The following MTG1 variants were observed in gnomAD, a reference collection of about 807,000 sequenced individuals.
MTG1 encodes mitochondrial ribosome-associated GTPase 1.
In MTG1, 30 loss-of-function variants were observed where a neutral mutation model predicts 39.5. That is an observed-to-expected ratio of 0.76 (90% CI 0.57 to 1.03). MTG1 has a LOEUF of 1.03. Ranked by LOEUF, MTG1 falls within the 50% of genes least tolerant of loss-of-function variation. MTG1 has a pLI of 0.00. For missense variants in MTG1, 513 were observed against 447.4 expected (o/e 1.15, Z -1.32); for synonymous variants, 217 against 179.0 (o/e 1.21, Z -1.69).
intron 9 of MTG1, among the ~76,000 whole-genome samples, chr10:133,412,577 G>GT (rs35138598): frequency 2.6e-5 from 4 of 152,124 alleles, no homozygotes; most frequent in Non-Finnish European, 4.4e-5. Context: ...CAATTGACAG[G>GT]TTTTTTTAGT....
chr10:133,415,848 G>GT (rs1850116373), intron 9 of MTG1, among the ~76,000 whole-genome samples: 3 of 152,164 alleles, frequency 2.0e-5, no homozygotes. Flanking sequence ...AGGCACGCGG[G>GT]TATCAGGCAG....
chr10:133,416,513 A>G (rs1850135680), intron 9 of MTG1, among the ~76,000 whole-genome samples: 1 of 148,848 alleles, frequency 6.7e-6, no homozygotes, highest in African/African-American at 2.5e-5. Context: ...TTAACTCGTC[A>G]TTTAGCATTA....
At position 133,421,536 on chromosome 10, in the gene MTG1, G is replaced by C. The variant is rs1850235904; in HGVS notation, c.*1371G>C. 2 of 153,132 alleles carry C rather than the reference G, an allele frequency of 1.3e-5. No homozygotes were observed. The highest frequency in any genetic ancestry group is 2.9e-5 in the Non-Finnish European group (2 of 68,430). The allele number at this position is 153,132 out of a possible 1,614,324, so 9.5% of individuals were successfully genotyped here. A position where few individuals can be genotyped will look rare whatever the true frequency, so the allele number is the denominator to read the frequency against. ...CTATGAGGATCTGGGGCAGGGCTTG[G>C]CCTTGGCCTGCTGGTCTTGGAGGCG... On this transcript the variant is annotated 3_prime_UTR_variant, in exon 11 of 11. Transcript: ENST00000317502.
At chr10:133,399,968 G>A (rs924604270) in intron 6 of MTG1, among the ~76,000 whole-genome samples, 14 of 152,170 alleles carry the variant, frequency 9.2e-5, no homozygotes, top group South Asian at 4.1e-4. Context: ...CGAGGCGGGC[G>A]GATCATGAGG....
rs141737948 is a variant in MTG1, at chr10:133,397,219, G to A, written c.282+952G>A. Among the ~76,000 whole-genome samples, 813 of 152,248 alleles carry A rather than the reference G, an allele frequency of 5.3e-3. 6 individuals are homozygous for A. Among genetic ancestry groups the A allele is most frequent in the African/African-American group, 0.018 (760 of 41,532 alleles). On this transcript the variant is annotated intron_variant, in intron 3 of 10. Coordinates refer to ENST00000317502, the MANE Select transcript of MTG1 (RefSeq NM_138384.4). ...GTCTCTGATAAGCAGAAATAATGGC[G>A]TAAGCTGTCTCTCTTTCTCCCTCTC...
chr10:133,414,967 C>A (rs1371334813), intron 9 of MTG1, among the ~76,000 whole-genome samples: 3 of 152,236 alleles, frequency 2.0e-5, no homozygotes, highest in Non-Finnish European at 4.4e-5. Context: ...AGCTGGAGAC[C>A]AGCCCGGCCA....
intron 9 of MTG1, among the ~76,000 whole-genome samples, chr10:133,416,019 G>A (rs1170764201): frequency 1.5e-5 from 2 of 137,710 alleles, no homozygotes; most frequent in East Asian, 4.2e-4. Context: ...TGTCGGGCAC[G>A]TGGGTGTCGG....
At position 133,395,772 on chromosome 10, in the gene MTG1, G is replaced by T. The variant is rs775976719; in HGVS notation, c.172G>T (p.Ala58Ser). 2 of 1,614,024 alleles carry T rather than the reference G, an allele frequency of 1.2e-6. No homozygotes were observed. Among genetic ancestry groups the T allele is most frequent in the African/African-American group, 1.3e-5 (1 of 75,042 alleles). Reference protein sequence around the residue: ...LVDCIIEVHDARIPLSGRNPL... With the variant: ...LVDCIIEVHDSRIPLSGRNPL... ...GGACTGTATCATCGAGGTCCACGAT[G>T]CCCGGATATCCTTTCACAGAGCAGG... The change falls in exon 2 of 11, where the codon GCC becomes TCC. Residue 58 changes from alanine to serine, a missense_variant. Physicochemically the swap from Ala to Ser is moderately conservative, Grantham distance 99. Transcript: ENST00000317502.
chr10:133,401,628 G>A, intron 7 of MTG1, 38 bp downstream of exon 7: 1 of 1,605,544 alleles, frequency 6.2e-7, no homozygotes, highest in South Asian at 1.1e-5. Flanking sequence ...ACTCTGTCAA[G>A]AGCTCTGCAG....
At chr10:133,403,742 C>T (rs1010357252) in intron 9 of MTG1, among the ~76,000 whole-genome samples, 18 of 152,102 alleles carry the variant, frequency 1.2e-4, no homozygotes, top group African/African-American at 4.3e-4. Flanking sequence ...ATTCATGTAC[C>T]GACAGGTCTT....
At chr10:133,395,091 G>T (rs578138723) in intron 1 of MTG1, among the ~76,000 whole-genome samples, 128 of 152,252 alleles carry the variant, frequency 8.4e-4, no homozygotes, top group Non-Finnish European at 1.5e-3. Context: ...CTGTGTTATA[G>T]CCCAGATTAA....
rs2133489752 is a variant in MTG1, at chr10:133,395,771, T to C, written c.171T>C (p.Asp57=). ...TGGACTGTATCATCGAGGTCCACGA[T>C]GCCCGGATATCCTTTCACAGAGCAG... ...KLVDCIIEVH[D]ARIPLSGRNP... is the part of the protein sequence containing the mutation. Residue 57 remains aspartate (D), a synonymous_variant, in exon 2 of 11, where the codon GAT becomes GAC. Coordinates refer to ENST00000317502, the MANE Select transcript of MTG1 (RefSeq NM_138384.4). 1.2e-6 allele frequency: 2 copies of C among 1,614,084 alleles called. No homozygotes were observed. Among genetic ancestry groups the C allele is most frequent in the South Asian group, 1.1e-5 (1 of 91,070 alleles).
chr10:133,398,074 C>A (rs565358506), intron 3 of MTG1, among the ~76,000 whole-genome samples: 1 of 152,314 alleles, frequency 6.6e-6, no homozygotes, highest in African/African-American at 2.4e-5. Flanking sequence ...TATGTTTGAT[C>A]TCTCCATCCG....
At chr10:133,415,314 G>A (rs1252345140) in intron 9 of MTG1, among the ~76,000 whole-genome samples, 1 of 152,262 alleles carries the variant, frequency 6.6e-6, no homozygotes, top group African/African-American at 2.4e-5. Flanking sequence ...ACTTCTGTCT[G>A]AAGGATTTCC....
chr10:133,399,744 C>T, intron 6 of MTG1, 125 bp downstream of exon 6: 1 of 938,458 alleles, frequency 1.1e-6, no homozygotes, highest in Non-Finnish European at 1.7e-6. Context: ...GCTGACCCCG[C>T]AGCCCCAGAG....
At chr10:133,407,488 A>G (rs1849984518) in intron 9 of MTG1, among the ~76,000 whole-genome samples, 1 of 151,478 alleles carries the variant, frequency 6.6e-6, no homozygotes, top group Non-Finnish European at 1.5e-5. Context: ...TTTTCCTTGT[A>G]GAGATCTTCC....
chr10:133,395,484 A>G (rs1420254595), intron 1 of MTG1, among the ~76,000 whole-genome samples: 1 of 152,228 alleles, frequency 6.6e-6, no homozygotes, highest in Non-Finnish European at 1.5e-5. Context: ...GGCTTTTGAC[A>G]CATGGCCCAC....
chr10:133,399,097 A>T, intron 4 of MTG1, 73 bp from the exon 5 acceptor site: 2 of 1,512,728 alleles, frequency 1.3e-6, no homozygotes, highest in Non-Finnish European at 1.8e-6. Flanking sequence ...TCCTGTTCTG[A>T]GGTGGCAGAA....
chr10:133,400,840 G>A (rs7901735), intron 6 of MTG1, among the ~76,000 whole-genome samples: 6,842 of 152,262 alleles, frequency 0.045, 484 homozygotes, highest in African/African-American at 0.15. Context: ...TGGACTCACA[G>A]TACTTGGCCT....
Sources: allele counts gnomAD v4.1 joint callset (sites outside exome capture counted in the v4.1 genomes callset), GRCh38; gene constraint gnomAD v4.1.1; transcripts MANE v1.5; gene names NCBI Gene and HGNC (gene_info 2026-07-23, HGNC 2026-07-21).